The following EIF1AX variants were observed in gnomAD, a reference collection of about 807,000 sequenced individuals.
The protein encoded by EIF1AX is eukaryotic translation initiation factor 1A X-linked.
Under a neutral mutation model 16.1 loss-of-function variants are expected in EIF1AX, and 1 was observed. That is an observed-to-expected ratio of 0.06 (90% CI 0.02 to 0.30). The LOEUF (loss-of-function observed/expected upper bound fraction) is 0.30, where lower values mean the gene tolerates loss of function less well. Among genes scored for constraint, EIF1AX ranks in the 10% least tolerant of loss-of-function variants. EIF1AX has a pLI of 1.00. For synonymous variants in EIF1AX, 32 were observed against 37.3 expected (o/e 0.86, Z 0.51); for missense variants, 11 against 109.1 (o/e 0.10, Z 4.00).
At chrX:20,136,161 T>C (rs1274741921) in intron 2 of EIF1AX, 2 of 287,726 alleles carry the variant, frequency 7.0e-6, no homozygotes, top group Non-Finnish European at 1.3e-5. Context: ...TTCATAGACA[T>C]ACATATGCAC....
rs1394210842 is a variant in EIF1AX at position 20,125,362 on chromosome X, A to G, written c.*2944T>C. 5.8e-6 allele frequency: 1 copy of G among 171,291 alleles called. No homozygotes were observed. 14.1% of individuals were successfully genotyped at this position (171,291 alleles called of 1,213,427 possible). A position where few individuals can be genotyped will look rare whatever the true frequency, so the allele number is the denominator to read the frequency against. On this transcript the variant is annotated 3_prime_UTR_variant, in exon 7 of 7. Transcript: ENST00000379607. ...CTCTTTTCTGAATAGGAAGAAAAAA[A>G]GCAAAGATAAAAAGGATGGTAGTTT...
At chrX:20,130,465 T>C in intron 6 of EIF1AX, 51 bp downstream of exon 6, 1 of 1,115,676 alleles carries the variant, frequency 9.0e-7, no homozygotes, top group Non-Finnish European at 1.2e-6. Context: ...GAAAGTTGGT[T>C]TCTCCATGGA....
intron 1 of EIF1AX, 23 bp downstream of exon 1, chrX:20,141,602 T>A (rs2067034447): frequency 5.2e-6 from 6 of 1,150,070 alleles, no homozygotes; most frequent in Admixed American, 5.3e-5. Context: ...AGAGCCGTGG[T>A]CCGGGGGTCC....
intron 1 of EIF1AX, among the ~76,000 whole-genome samples, chrX:20,140,785 A>T (rs1388621484): frequency 8.9e-6 from 1 of 111,928 alleles, no homozygotes; most frequent in East Asian, 2.8e-4. Flanking sequence ...TACGGCTATT[A>T]AAAATGACAG....
chrX:20,141,271 AAGGCCAAAGGGGCCTATCTACTAAACCT>A (rs2067033185), intron 1 of EIF1AX, among the ~76,000 whole-genome samples: 1 of 111,622 alleles, frequency 9.0e-6, no homozygotes, highest in South Asian at 3.7e-4. Context: ...CATGCCCGGG[AAGGCCAAAGGGGCCTATCTACTAAACCT>A]AGGCCGCCCC....
Position 20,138,379 on chromosome X carries a change from G to C in EIF1AX, c.100+160C>G, listed in dbSNP as rs777727890. ...AAATACTCGGGAGGCTGAAGTGGAA[G>C]GACTGCTTCAGCCCAGGAGGTCATG... On this transcript the variant is annotated intron_variant, in intron 2 of 6. Coordinates refer to ENST00000379607, the MANE Select transcript of EIF1AX (RefSeq NM_001412.4). Among the ~76,000 whole-genome samples the C allele has an allele frequency of 1.6e-3, 175 of 110,766 alleles. 1 individual carries two copies. The highest frequency in any genetic ancestry group is 9.3e-3 in the Middle Eastern group (2 of 215).
intron 2 of EIF1AX, chrX:20,136,533 G>A: frequency 7.7e-6 from 1 of 129,816 alleles, no homozygotes; most frequent in African/African-American, 3.1e-5. Context: ...AGTACCTTTA[G>A]GTGCAAATCT....
chrX:20,136,216 TAA>T (rs1460231073), intron 2 of EIF1AX: 34 of 327,543 alleles, frequency 1.0e-4, no homozygotes, highest in African/African-American at 8.0e-4. Flanking sequence ...GCTACCTTTA[TAA>T]ACACGTGTGC....
rs1406817405 is a variant in EIF1AX, at chrX:20,124,527, G to T, written c.*3779C>A. Reference sequence around the variant, plus strand: ...AAAAGAATCAATTGTATACATTGTTGAAAGTTGTTCATATTTTATTTTCTA... The same window carrying T: ...AAAAGAATCAATTGTATACATTGTTTAAAGTTGTTCATATTTTATTTTCTA... On this transcript the variant is annotated 3_prime_UTR_variant, in exon 7 of 7. Transcript: ENST00000379607. The T allele has an allele frequency of 6.9e-6, 1 of 145,536 alleles. No individual in the cohort carries two copies. The highest frequency in any genetic ancestry group is 8.6e-5 in the Admixed American group (1 of 11,632). 12.0% of individuals were successfully genotyped at this position (145,536 alleles called of 1,213,427 possible).
chrX:20,132,421 A>T (rs1428959748), intron 4 of EIF1AX, among the ~76,000 whole-genome samples, 158 bp from the exon 5 acceptor site: 1 of 112,006 alleles, frequency 8.9e-6, no homozygotes, highest in Non-Finnish European at 1.9e-5. Flanking sequence ...TCTGAAAAAG[A>T]TCCTTAGGTT....
chrX:20,126,197 A>C lies in EIF1AX; in HGVS notation c.*2109T>G, dbSNP rs753305500. ...GGAATCAGAGTGTATAAGCAAAAAA[A>C]TGAAAAATAAAACTTCTTGGAGACC... On this transcript the variant is annotated 3_prime_UTR_variant, in exon 7 of 7. Transcript: ENST00000379607. The C allele has an allele frequency of 7.2e-6, 1 of 139,643 alleles. No homozygotes were observed. The highest frequency in any genetic ancestry group is 3.4e-4 in the South Asian group (1 of 2,934). 11.5% of individuals were successfully genotyped at this position (139,643 alleles called of 1,213,427 possible).
rs2066989683 is a variant in EIF1AX, at chrX:20,127,753, C to G, written c.*553G>C. The G allele has an allele frequency of 6.7e-6, 1 of 149,350 alleles. No homozygotes were observed. Among genetic ancestry groups the G allele is most frequent in the African/African-American group, 3.2e-5 (1 of 31,714 alleles). The allele number at this position is 149,350 out of a possible 1,213,427, so 12.3% of individuals were successfully genotyped here. On this transcript the variant is annotated 3_prime_UTR_variant, in exon 7 of 7. Coordinates refer to ENST00000379607, the MANE Select transcript of EIF1AX (RefSeq NM_001412.4). Reference sequence around the variant, plus strand: ...TTTTTTTTTTTTATGTTTACGGTGGCAAAATACGACTATGAAAAGAACATG... The same window carrying G: ...TTTTTTTTTTTTATGTTTACGGTGGGAAAATACGACTATGAAAAGAACATG...
At chrX:20,140,938 C>T (rs996438532) in intron 1 of EIF1AX, among the ~76,000 whole-genome samples, 2 of 110,425 alleles carry the variant, frequency 1.8e-5, no homozygotes, top group South Asian at 3.8e-4. Context: ...AACGCTTAGC[C>T]TCAGAATGGA....
At chrX:20,129,058 T>C (rs1201006342) in intron 6 of EIF1AX, among the ~76,000 whole-genome samples, 1 of 111,309 alleles carries the variant, frequency 9.0e-6, no homozygotes, top group Admixed American at 9.6e-5. Flanking sequence ...TTAATTCTAT[T>C]GTCAAAATAT....
intron 3 of EIF1AX, 89 bp downstream of exon 3, chrX:20,135,649 C>T: frequency 6.0e-6 from 4 of 661,249 alleles, no homozygotes; most frequent in Non-Finnish European, 9.5e-6. Context: ...TGGGAATTTC[C>T]AAAAATGAAG....
In EIF1AX at chrX:20,125,255, TAA is replaced by T. The variant is rs1467969161; in HGVS notation, c.*3049_*3050del. 6.1e-6 allele frequency: 1 copy of T among 164,404 alleles called. No individual in the cohort carries two copies. The highest frequency in any genetic ancestry group is 8.9e-5 in the East Asian group (1 of 11,201). The allele number at this position is 164,404 out of a possible 1,213,427, so 13.5% of individuals were successfully genotyped here. ...AACTTGCAGGGCTAGGAGGGGGGAA[TAA>T]GAGAGGACAAAGTCCAATACATTCT... On this transcript the variant is annotated 3_prime_UTR_variant, in exon 7 of 7. Coordinates refer to ENST00000379607, the MANE Select transcript of EIF1AX (RefSeq NM_001412.4).
At chrX:20,133,615 C>T (rs1219232658) in intron 4 of EIF1AX, among the ~76,000 whole-genome samples, 1 of 110,834 alleles carries the variant, frequency 9.0e-6, no homozygotes, top group Non-Finnish European at 1.9e-5. Context: ...ATCTCACAGA[C>T]CCACAATGAG....
chrX:20,139,579 G>GA (rs1433191991), intron 1 of EIF1AX, among the ~76,000 whole-genome samples: 1 of 111,150 alleles, frequency 9.0e-6, no homozygotes, highest in Non-Finnish European at 1.9e-5. Flanking sequence ...TCCCATTCCA[G>GA]AAAGGAAACC....
At chrX:20,140,425 G>A (rs2067030434) in intron 1 of EIF1AX, 1 of 112,176 alleles carries the variant, frequency 8.9e-6, no homozygotes. Flanking sequence ...ACCTCAGAGA[G>A]AATAAAGGAT....
Sources: gnomAD v4.1 joint callset for allele counts (sites outside exome capture counted in the v4.1 genomes callset) on GRCh38, gnomAD v4.1.1 for gene constraint, MANE v1.5 for transcripts, NCBI Gene and HGNC (gene_info 2026-07-23, HGNC 2026-07-21) for gene names.